The following HSP90AA1 variants were observed in gnomAD, a reference collection of about 807,000 sequenced individuals.
HSP90AA1 encodes the protein heat shock protein HSP 90-alpha.
A neutral mutation model predicts 73.3 loss-of-function variants in HSP90AA1; 18 were observed. The ratio of observed to expected loss-of-function variants is 0.25; its 90% confidence interval spans 0.17 to 0.36. The LOEUF (loss-of-function observed/expected upper bound fraction) is 0.36, where lower values mean the gene tolerates loss of function less well. HSP90AA1 is among the 10% of genes least tolerant of loss of function. The probability of loss-of-function intolerance (pLI) is 1.00; values close to 1 mark genes in which losing one functional copy is unlikely to be tolerated. For synonymous variants in HSP90AA1, 477 were observed against 296.9 expected (o/e 1.61, Z -6.24); for missense variants, 704 against 874.2 (o/e 0.81, Z 2.45).
At chr14:102,117,037 G>A (rs1329482131) in intron 1 of HSP90AA1, among the ~76,000 whole-genome samples, 3 of 152,186 alleles carry the variant, frequency 2.0e-5, no homozygotes, top group Admixed American at 2.0e-4. Context: ...GTTGAGCCTG[G>A]GCGCTGTCCC....
At chr14:102,086,719 G>A (rs1595660282) in intron 1 of HSP90AA1, among the ~76,000 whole-genome samples, 1 of 150,792 alleles carries the variant, frequency 6.6e-6, no homozygotes, top group African/African-American at 2.4e-5. Flanking sequence ...GGACCCCCGC[G>A]GCGGGGCCGC....
Position 102,087,024 on chromosome 14 carries a change from C to T in HSP90AA1, c.-39G>A. 3 of 985,454 alleles carry T rather than the reference C, an allele frequency of 3.0e-6. No individual in the cohort carries two copies. Among genetic ancestry groups the T allele is most frequent in the Admixed American group, 6.1e-5 (1 of 16,282 alleles). The allele number at this position is 985,454 out of a possible 1,614,324, so 61.0% of individuals were successfully genotyped here. A position where few individuals can be genotyped will look rare whatever the true frequency, so the allele number is the denominator to read the frequency against. ...CCGCACAGGACCAACGGCACAGCCA[C>T]ACCGGGACGCTGAAGCAACTGACGC... On this transcript the variant is annotated 5_prime_UTR_variant, in exon 1 of 11. In the 5' UTR this introduces an upstream ATG that the reference lacks. Coordinates refer to ENST00000216281, the MANE Select transcript of HSP90AA1 (RefSeq NM_005348.4).
chr14:102,116,463 G>C (rs879851523), intron 1 of HSP90AA1, among the ~76,000 whole-genome samples: 14 of 152,204 alleles, frequency 9.2e-5, no homozygotes, highest in Non-Finnish European at 1.9e-4. Flanking sequence ...GTGGCGGCAG[G>C]GGCAGCTGCG....
At chr14:102,129,261 AGATTACTACAGGG>A (rs1326301468) in intron 1 of HSP90AA1, among the ~76,000 whole-genome samples, 2 of 149,584 alleles carry the variant, frequency 1.3e-5, no homozygotes, top group African/African-American at 4.9e-5. Flanking sequence ...CAGCCTCCCG[AGATTACTACAGGG>A]GATTACTACA....
upstream of HSP90AA1, among the ~76,000 whole-genome samples, chr14:102,088,322 A>T (rs1040534094): frequency 3.9e-5 from 6 of 151,992 alleles, no homozygotes; most frequent in African/African-American, 1.2e-4. Flanking sequence ...GCCTCCCATG[A>T]TTGGGCCGCC....
chr14:102,093,666 T>C (rs1414651607), intron 2 of HSP90AA1, among the ~76,000 whole-genome samples: 1 of 151,968 alleles, frequency 6.6e-6, no homozygotes, highest in East Asian at 1.9e-4. Context: ...CTACAATAGG[T>C]GTGACCATAG....
chr14:102,085,702 T>TTGCA, intron 3 of HSP90AA1, 56 bp downstream of exon 3: 1 of 1,611,922 alleles, frequency 6.2e-7, no homozygotes. Flanking sequence ...GGTCCAAGGG[T>TTGCA]TGCAGCACCC....
chr14:102,094,704 C>T (rs1287945754), intron 2 of HSP90AA1, among the ~76,000 whole-genome samples: 2 of 152,186 alleles, frequency 1.3e-5, no homozygotes, highest in Non-Finnish European at 2.9e-5. Context: ...GGACACGGAG[C>T]CCCTCTTGGG....
chr14:102,105,912 A>G (rs549350382), intron 1 of HSP90AA1, among the ~76,000 whole-genome samples: 1 of 152,274 alleles, frequency 6.6e-6, no homozygotes, highest in East Asian at 1.9e-4. Context: ...TCTACTAAAA[A>G]TACAAAAATC....
exon 2 of HSP90AA1, chr14:102,101,925 C>T (rs1035617461): frequency 1.9e-5 from 31 of 1,614,048 alleles, no homozygotes; most frequent in Non-Finnish European, 2.5e-5. Context: ...AGGTGTTGCC[C>T]TGCACCTTGG....
chr14:102,131,064 C>T (rs2049902104), intron 1 of HSP90AA1, among the ~76,000 whole-genome samples: 1 of 152,204 alleles, frequency 6.6e-6, no homozygotes, highest in South Asian at 2.1e-4. Flanking sequence ...CTGCAGAATA[C>T]AGATGGGCAG....
At position 102,083,682 on chromosome 14, in the gene HSP90AA1, G is replaced by C; in HGVS notation, c.1350C>G (p.His450Gln). ...QFSKNIKLGI[H>Q]EDSQNRKKLS... Reference sequence around the variant, plus strand: ...GCTTCTTCCGATTTTGAGAGTCTTCGTGTATTCCAAGCTGAAACAAAGTAT... The same window carrying C: ...GCTTCTTCCGATTTTGAGAGTCTTCCTGTATTCCAAGCTGAAACAAAGTAT... Residue 450 changes from histidine to glutamine, a missense_variant, in exon 8 of 11, where the codon CAC (histidine) becomes CAG (glutamine). His to Gln is a conservative substitution (Grantham distance 24, BLOSUM62 0). Transcript: ENST00000216281. 1 of 1,609,824 alleles carries C rather than the reference G, an allele frequency of 6.2e-7. No homozygotes were observed.
chr14:102,106,537 A>ATT (rs10562409), intron 1 of HSP90AA1, among the ~76,000 whole-genome samples: 5 of 79,814 alleles, frequency 6.3e-5, no homozygotes, highest in Admixed American at 1.5e-4. Context: ...TGTTGAGCTA[A>ATT]TTTTTTTTTT....
intron 1 of HSP90AA1, among the ~76,000 whole-genome samples, chr14:102,105,316 C>T (rs547631320): frequency 5.3e-5 from 8 of 152,096 alleles, no homozygotes; most frequent in South Asian, 2.1e-4. Flanking sequence ...CCCAGTTCCT[C>T]GTCCTGGGAG....
intron 1 of HSP90AA1, among the ~76,000 whole-genome samples, chr14:102,134,812 G>A (rs891672067): frequency 3.9e-5 from 6 of 152,198 alleles, no homozygotes; most frequent in East Asian, 1.9e-4. Flanking sequence ...AGCTTCTACA[G>A]TGCGGAAGTG....
chr14:102,132,982 G>A (rs990331560), intron 1 of HSP90AA1, among the ~76,000 whole-genome samples: 1 of 143,030 alleles, frequency 7.0e-6, no homozygotes, highest in Non-Finnish European at 1.5e-5. Flanking sequence ...AAAAAAGGGA[G>A]CCGGCGGTGG....
chr14:102,087,207 T>C (rs2049266484), upstream of HSP90AA1: 4 of 972,702 alleles, frequency 4.1e-6, no homozygotes, highest in South Asian at 1.4e-4. Context: ...CCCCGCGCCT[T>C]CCTGCGGGCG....
At chr14:102,091,689 C>T (rs1272947725), upstream of HSP90AA1, among the ~76,000 whole-genome samples, 2 of 151,698 alleles carry the variant, frequency 1.3e-5, no homozygotes, top group African/African-American at 2.4e-5. Context: ...CACAGTGGCA[C>T]AAACATGGTT....
intron 1 of HSP90AA1, among the ~76,000 whole-genome samples, chr14:102,112,491 T>C (rs926154824): frequency 6.7e-6 from 1 of 149,426 alleles, no homozygotes; most frequent in African/African-American, 2.5e-5. Flanking sequence ...TTTTTTTGTT[T>C]TAAAAGAGAC....
Sources: allele counts gnomAD v4.1 joint callset (sites outside exome capture counted in the v4.1 genomes callset), GRCh38; gene constraint gnomAD v4.1.1; transcripts MANE v1.5; gene names NCBI Gene and HGNC (gene_info 2026-07-23, HGNC 2026-07-21).